The following CCDC88A variants were observed in gnomAD, a reference collection of about 807,000 sequenced individuals.
CCDC88A encodes the protein coiled-coil and HOOK domain protein 88A.
In CCDC88A, 54 loss-of-function variants were observed where a neutral mutation model predicts 234.3. That is an observed-to-expected ratio of 0.23 (90% confidence interval 0.19 to 0.29). The LOEUF (loss-of-function observed/expected upper bound fraction) is 0.29. Ranked by LOEUF, CCDC88A falls within the 10% of genes least tolerant of loss-of-function variation. The probability of loss-of-function intolerance (pLI) is 1.00; values close to 1 mark genes in which losing one functional copy is unlikely to be tolerated. For synonymous variants in CCDC88A, 753 were observed against 737.8 expected (o/e 1.02, Z -0.33); for missense variants, 1,832 against 2,123.4 (o/e 0.86, Z 2.70).
At chr2:55,380,915 C>T (rs1235177660) in intron 3 of CCDC88A, among the ~76,000 whole-genome samples, 3 of 152,192 alleles carry the variant, frequency 2.0e-5, no homozygotes, top group African/African-American at 7.2e-5. Context: ...TGGGCCCAGC[C>T]AACCACAGTT....
chr2:55,322,152 C>G (rs1683720843), intron 18 of CCDC88A, among the ~76,000 whole-genome samples: 1 of 152,104 alleles, frequency 6.6e-6, no homozygotes, highest in Non-Finnish European at 1.5e-5. Context: ...GACGAATTAC[C>G]TGCTTTCATA....
chr2:55,370,976 T>C (rs1672762739), intron 5 of CCDC88A, among the ~76,000 whole-genome samples: 1 of 152,100 alleles, frequency 6.6e-6, no homozygotes, highest in African/African-American at 2.4e-5. Flanking sequence ...ATCATGACAC[T>C]GCACTCCTGC....
In CCDC88A at chr2:55,290,103, C is replaced by A. The variant is rs1187821834; in HGVS notation, c.*1097G>T. 12 of 152,388 alleles carry A rather than the reference C, an allele frequency of 7.9e-5. No homozygotes were observed. Among genetic ancestry groups the A allele is most frequent in the African/African-American group, 2.9e-4 (12 of 41,398 alleles). 9.4% of individuals were successfully genotyped at this position (152,388 alleles called of 1,614,324 possible). A position where few individuals can be genotyped will look rare whatever the true frequency, so the allele number is the denominator to read the frequency against. On this transcript the variant is annotated 3_prime_UTR_variant, in exon 33 of 33. Coordinates refer to ENST00000436346, the MANE Select transcript of CCDC88A (RefSeq NM_001365480.1). ...AAAAATTGATGTTTCCCTGGGTTAA[C>A]TAAATCTATTTTTTTGTGCTTCTTC... is the stretch of plus-strand genomic sequence containing the variant.
intron 2 of CCDC88A, among the ~76,000 whole-genome samples, chr2:55,406,629 C>T (rs1679634873): frequency 6.6e-6 from 1 of 152,016 alleles, no homozygotes; most frequent in Admixed American, 6.6e-5. Flanking sequence ...TGTGGTGGTA[C>T]ACAACTGTAA....
At chr2:55,305,202 G>A (rs1055227753) in intron 25 of CCDC88A, among the ~76,000 whole-genome samples, 3 of 152,076 alleles carry the variant, frequency 2.0e-5, no homozygotes, top group African/African-American at 7.2e-5. Context: ...TTTTTTCCAA[G>A]GACTGCTTTA....
At chr2:55,409,822 C>A (rs1680183638) in intron 2 of CCDC88A, among the ~76,000 whole-genome samples, 1 of 148,994 alleles carries the variant, frequency 6.7e-6, no homozygotes, top group South Asian at 2.2e-4. Flanking sequence ...CTCACTGCAA[C>A]CTCCGCCTCC....
intron 16 of CCDC88A, among the ~76,000 whole-genome samples, chr2:55,330,512 TA>T (rs1250906003): frequency 6.6e-6 from 1 of 151,584 alleles, no homozygotes; most frequent in Non-Finnish European, 1.5e-5. Flanking sequence ...TAATAGGAAT[TA>T]GGGGCATCAT....
chr2:55,361,204 A>T (rs1177494280), intron 7 of CCDC88A, among the ~76,000 whole-genome samples: 2 of 152,226 alleles, frequency 1.3e-5, no homozygotes, highest in Non-Finnish European at 2.9e-5. Flanking sequence ...AACTTGAAAT[A>T]CAAATAAATA....
At chr2:55,324,280 T>A (rs1683994364) in intron 17 of CCDC88A, 1 of 152,218 alleles carries the variant, frequency 6.6e-6, no homozygotes, top group African/African-American at 2.4e-5. Context: ...AATGTACAGA[T>A]TTTAAGTGTA....
At chr2:55,321,620 C>G (rs751227647) in intron 18 of CCDC88A, among the ~76,000 whole-genome samples, 76 of 152,174 alleles carry the variant, frequency 5.0e-4, no homozygotes, top group Non-Finnish European at 3.8e-4. Flanking sequence ...TGGTAACATT[C>G]ACACTATGGA....
chr2:55,317,589 C>T lies in CCDC88A; in HGVS notation c.3577G>A (p.Val1193Met). Reference sequence around the variant, plus strand: ...CGGTCTTCAAGGTCTCTATGTTCCACCTCAAGATTTTTGTGGGCAGACTTC... The same window carrying T: ...CGGTCTTCAAGGTCTCTATGTTCCATCTCAAGATTTTTGTGGGCAGACTTC... ...TLKSAHKNLEVEHRDLEDRYN... is the reference protein window; with the variant it reads ...TLKSAHKNLEMEHRDLEDRYN... The change falls in exon 20 of 33, where the codon GTG becomes ATG. Residue 1193 changes from valine to methionine, a missense_variant. Val to Met is a conservative substitution (Grantham distance 21, BLOSUM62 1). Coordinates refer to ENST00000436346, the MANE Select transcript of CCDC88A (RefSeq NM_001365480.1). This position sits in a 1 kb window ranked among gnomAD's most constrained non-coding sequence, Gnocchi z 4.2. 5.1e-6 allele frequency: 8 copies of T among 1,583,790 alleles called. No individual in the cohort carries two copies. Among genetic ancestry groups the T allele is most frequent in the Non-Finnish European group, 6.0e-6 (7 of 1,159,232 alleles).
At chr2:55,412,742 T>C (rs947033889) in intron 2 of CCDC88A, among the ~76,000 whole-genome samples, 3 of 152,136 alleles carry the variant, frequency 2.0e-5, no homozygotes, top group African/African-American at 7.2e-5. Flanking sequence ...AATAAAACAA[T>C]AAAGAGCTAA....
chr2:55,321,098 G>T (rs1266381011), intron 18 of CCDC88A: 2 of 141,164 alleles, frequency 1.4e-5, no homozygotes, highest in Admixed American at 1.5e-4. Context: ...AGATGAGTGA[G>T]ACCCTGTCTC....
At chr2:55,344,284 C>T in intron 11 of CCDC88A, 84 bp downstream of exon 11, 1 of 899,146 alleles carries the variant, frequency 1.1e-6, no homozygotes, top group East Asian at 2.7e-5. Flanking sequence ...GGACACTAGC[C>T]ATCCTTGCCA....
chr2:55,410,704 C>A (rs1680323107), intron 2 of CCDC88A, among the ~76,000 whole-genome samples: 1 of 151,714 alleles, frequency 6.6e-6, no homozygotes, highest in South Asian at 2.1e-4. Flanking sequence ...GGCAACACAG[C>A]AAAACTCTGC....
chr2:55,337,060 C>T (rs1460476759), intron 13 of CCDC88A: 1 of 317,484 alleles, frequency 3.1e-6, no homozygotes, highest in African/African-American at 2.2e-5. Context: ...TTTCTAAACA[C>T]AAAGACAAAT....
intron 9 of CCDC88A, chr2:55,348,842 A>G (rs1669516079): frequency 6.6e-6 from 1 of 152,180 alleles, no homozygotes; most frequent in South Asian, 2.1e-4. Flanking sequence ...TTTATCTATG[A>G]AGGTCCCAGT....
At chr2:55,342,991 C>G (rs1668694372) in intron 12 of CCDC88A, among the ~76,000 whole-genome samples, 1 of 151,986 alleles carries the variant, frequency 6.6e-6, no homozygotes, top group Non-Finnish European at 1.5e-5. Flanking sequence ...TTCAAAAATC[C>G]ATATTAGCAT....
chr2:55,413,040 T>TA (rs1372088518), intron 2 of CCDC88A, among the ~76,000 whole-genome samples: 2 of 151,854 alleles, frequency 1.3e-5, no homozygotes, highest in Admixed American at 6.6e-5. Context: ...CCGGTCTCTA[T>TA]AAAAAAAATT....
Sources: gnomAD v4.1 joint callset for allele counts (sites outside exome capture counted in the v4.1 genomes callset) on GRCh38, gnomAD v4.1.1 for gene constraint, Gnocchi (gnomAD v3.1) non-coding constraint, MANE v1.5 for transcripts, NCBI Gene and HGNC (gene_info 2026-07-23, HGNC 2026-07-21) for gene names.